Variants in USP42 observed in about 807,000 individuals in gnomAD.
The protein encoded by USP42 is ubiquitin carboxyl-terminal hydrolase 42.
In USP42, 23 loss-of-function variants were observed where a neutral mutation model predicts 113.0. The observed-to-expected ratio is 0.20, with a 90% confidence interval of 0.15 to 0.29. USP42 has a LOEUF of 0.29. USP42 is among the 10% of genes least tolerant of loss of function. USP42 has a pLI of 1.00. For synonymous variants in USP42, 933 were observed against 699.0 expected, an observed-to-expected ratio of 1.33 and a Z score of -5.28; for missense variants, 2,174 against 1,779.8, an observed-to-expected ratio of 1.22 and a Z score of -3.99.
At chr7:6,122,808 T>A (rs1056426431) in intron 3 of USP42, among the ~76,000 whole-genome samples, 44 of 151,358 alleles carry the variant, frequency 2.9e-4, no homozygotes, top group Admixed American at 2.9e-3. Flanking sequence ...CTCACTAAGT[T>A]GCTCAGGCTC....
At chr7:6,089,764 C>G in the USP42 span, among the ~76,000 whole-genome samples, 1 of 149,456 alleles carries the variant, frequency 6.7e-6, no homozygotes, top group East Asian at 2.0e-4. Flanking sequence ...AACTCCTGAC[C>G]TCGTGATCTG....
the USP42 span, among the ~76,000 whole-genome samples, chr7:6,086,298 T>C: frequency 1.4e-5 from 2 of 147,120 alleles, no homozygotes; most frequent in Non-Finnish European, 3.0e-5. Flanking sequence ...CTCTGCCTCC[T>C]GGGTTCACGC....
chr7:6,122,251 C>G (rs189362095), intron 3 of USP42, among the ~76,000 whole-genome samples: 1 of 150,748 alleles, frequency 6.6e-6, no homozygotes, highest in Admixed American at 6.6e-5. Flanking sequence ...TTAGTTGTAT[C>G]CCAGATATGT....
chr7:6,141,377 G>T (rs2128505760), intron 7 of USP42, among the ~76,000 whole-genome samples: 1 of 151,370 alleles, frequency 6.6e-6, no homozygotes, highest in East Asian at 1.9e-4. Context: ...GCTAATTTTT[G>T]TATTTTTAGT....
Position 6,157,458 on chromosome 7 carries a change from G to C in USP42, c.3943+403G>C. 1 of 872,058 alleles carries C rather than the reference G, an allele frequency of 1.1e-6. No homozygotes were observed. The highest frequency in any genetic ancestry group is 1.4e-6 in the Non-Finnish European group (1 of 726,834). The allele number at this position is 872,058 out of a possible 1,614,324, so 54.0% of individuals were successfully genotyped here. The stretch of plus-strand genomic sequence containing the variant: ...ATTGCCCAGGCTGGAGTGCAGTGGC[G>C]GCGATCTCAGCTCACTGCAACCTCT... On this transcript the variant is annotated intron_variant, in intron 16 of 17. Transcript: ENST00000306177. The surrounding 1 kb of genome is among the most constrained non-coding windows in gnomAD (Gnocchi z 4.1).
rs1304705715 is a variant in USP42, at chr7:6,153,891, C to T, written c.2337C>T (p.Arg779=). 3.2e-6 allele frequency: 5 copies of T among 1,581,186 alleles called. No individual in the cohort carries two copies. The highest frequency in any genetic ancestry group is 3.6e-5 in the Admixed American group (2 of 54,932). ...LSSTKKAPPP[R]DPGTPATKEG... is the part of the protein sequence containing the mutation. ...GCACCAAGAAGGCTCCGCCGCCCCG[C>T]GATCCCGGCACCCCCGCTACCAAAG... Residue 779 remains arginine, a synonymous_variant, in exon 15 of 18, where the codon CGC becomes CGT. Transcript: ENST00000306177.
chr7:6,123,418 CTTT>C (rs1780345890), intron 3 of USP42, among the ~76,000 whole-genome samples: 1 of 152,142 alleles, frequency 6.6e-6, no homozygotes, highest in Non-Finnish European at 1.5e-5. Context: ...AATCCCAGCA[CTTT>C]GGGAGGCCAA....
chr7:6,085,857 C>T, the USP42 span, among the ~76,000 whole-genome samples: 1 of 150,634 alleles, frequency 6.6e-6, no homozygotes, highest in Non-Finnish European at 1.5e-5. Context: ...TTGTGATCTG[C>T]CCGCCTTGGC....
intron 7 of USP42, 42 bp from the exon 8 acceptor site, chr7:6,142,890 C>G: frequency 6.3e-7 from 1 of 1,594,332 alleles, no homozygotes; most frequent in Non-Finnish European, 8.6e-7. Flanking sequence ...ACACAAGTGA[C>G]GGTGTGCGGT....
intron 1 of USP42, among the ~76,000 whole-genome samples, chr7:6,110,822 C>T (rs1050525384): frequency 1.3e-5 from 2 of 152,022 alleles, no homozygotes; most frequent in Non-Finnish European, 2.9e-5. Context: ...ATTGAAATGT[C>T]CAATTATAAA....
At chr7:6,105,843 C>T (rs967687586) in intron 1 of USP42, among the ~76,000 whole-genome samples, 1 of 152,190 alleles carries the variant, frequency 6.6e-6, no homozygotes, top group South Asian at 2.1e-4. Context: ...CACATGCATG[C>T]AGTGGAGATG....
chr7:6,101,830 G>C (rs1378465483), upstream of USP42, among the ~76,000 whole-genome samples: 1 of 150,694 alleles, frequency 6.6e-6, no homozygotes. Flanking sequence ...TGCAATCCCA[G>C]CACTTTGGGA....
At chr7:6,125,251 G>A (rs1029561218) in intron 3 of USP42, among the ~76,000 whole-genome samples, 1 of 151,348 alleles carries the variant, frequency 6.6e-6, no homozygotes, top group African/African-American at 2.4e-5. Context: ...CACTTTGAGA[G>A]GCTGAGGCTG....
At chr7:6,082,254 G>A in the USP42 span, among the ~76,000 whole-genome samples, 2 of 150,692 alleles carry the variant, frequency 1.3e-5, no homozygotes, top group African/African-American at 4.9e-5. Context: ...TCAGCCTCCC[G>A]AGTAGCTGGG....
intron 2 of USP42, among the ~76,000 whole-genome samples, chr7:6,114,318 T>C (rs1779758037): frequency 6.6e-6 from 1 of 152,116 alleles, no homozygotes; most frequent in African/African-American, 2.4e-5. Flanking sequence ...ATCTCATTTT[T>C]TCTATTGATT....
At chr7:6,105,288 G>C (rs1164896029) in intron 1 of USP42, among the ~76,000 whole-genome samples, 1 of 146,812 alleles carries the variant, frequency 6.8e-6, no homozygotes, top group Non-Finnish European at 1.5e-5. Context: ...CGGGCACCGG[G>C]GTAGCCGGGC....
chr7:6,141,185 ATTTTCTTTTTC>A (rs1781407891), intron 7 of USP42, among the ~76,000 whole-genome samples: 1 of 138,890 alleles, frequency 7.2e-6, no homozygotes, highest in Non-Finnish European at 1.6e-5. Flanking sequence ...TACTCTTTGA[ATTTTCTTTTTC>A]TTTTCTTTTT....
intron 3 of USP42, among the ~76,000 whole-genome samples, chr7:6,127,854 A>ATCTT (rs781211722): frequency 1.3e-5 from 2 of 152,198 alleles, no homozygotes; most frequent in Non-Finnish European, 2.9e-5. Flanking sequence ...GGGGATTAAC[A>ATCTT]TCTTTACTAT....
At chr7:6,096,081 G>A in the USP42 span, among the ~76,000 whole-genome samples, 1 of 151,094 alleles carries the variant, frequency 6.6e-6, no homozygotes, top group Non-Finnish European at 1.5e-5. Flanking sequence ...TTTTGGAATT[G>A]AGAACTGGCT....
Sources: allele counts gnomAD v4.1 joint callset (sites outside exome capture counted in the v4.1 genomes callset), GRCh38; gene constraint gnomAD v4.1.1; non-coding constraint Gnocchi (gnomAD v3.1); transcripts MANE v1.5; gene names NCBI Gene and HGNC (gene_info 2026-07-23, HGNC 2026-07-21).